MKNK1: variants seen among roughly 807,000 people sequenced by gnomAD.
The protein encoded by MKNK1 is MAPK interacting serine/threonine kinase 1.
MKNK1 carries 30 observed loss-of-function variants against 49.3 expected under a neutral mutation model. The observed-to-expected ratio is 0.61, with a 90% CI of 0.46 to 0.83. The LOEUF is 0.83. Ranked by LOEUF, MKNK1 falls within the 40% of genes least tolerant of loss-of-function variation. The probability of loss-of-function intolerance (pLI) is 0.00; values close to 1 mark genes in which losing one functional copy is unlikely to be tolerated. For missense variants in MKNK1, 423 were observed against 524.7 expected (o/e 0.81, Z 1.89); for synonymous variants, 176 against 201.7 (o/e 0.87, Z 1.08).
At chr1:46,577,450 C>T (rs1415189886) in intron 4 of MKNK1, among the ~76,000 whole-genome samples, 1 of 151,956 alleles carries the variant, frequency 6.6e-6, no homozygotes, top group Non-Finnish European at 1.5e-5. Context: ...CATTGCACTC[C>T]AGCCTAAGTA....
intron 4 of MKNK1, among the ~76,000 whole-genome samples, chr1:46,577,069 C>T (rs1430604073): frequency 1.3e-5 from 2 of 152,200 alleles, no homozygotes; most frequent in South Asian, 2.1e-4. Flanking sequence ...TGCAGGACAC[C>T]GTGGCGAGGA....
intron 2 of MKNK1, among the ~76,000 whole-genome samples, chr1:46,590,296 C>G (rs746577751): frequency 5.9e-5 from 9 of 152,036 alleles, no homozygotes; most frequent in Non-Finnish European, 1.0e-4. Context: ...GGAGACTGAC[C>G]CCAGAACATT....
At chr1:46,562,865 G>A (rs1454081628) in intron 9 of MKNK1, 22 bp from the exon 10 acceptor site, 1 of 1,587,320 alleles carries the variant, frequency 6.3e-7, no homozygotes. Flanking sequence ...AGGGTTGGGG[G>A]AGGGGGAGAT....
chr1:46,594,205 G>T lies in MKNK1; in HGVS notation c.-95C>A. The T allele has an allele frequency of 7.2e-7, 1 of 1,394,514 alleles. No homozygotes were observed. Among genetic ancestry groups the T allele is most frequent in the Non-Finnish European group, 1.0e-6 (1 of 980,800 alleles). 86.4% of individuals were successfully genotyped at this position (1,394,514 alleles called of 1,614,324 possible). A position where few individuals can be genotyped will look rare whatever the true frequency, so the allele number is the denominator to read the frequency against. On this transcript the variant is annotated 5_prime_UTR_variant, in exon 2 of 13. In the 5' UTR this introduces an upstream ATG that the reference lacks. Transcript: ENST00000371945. ...CCTGTCAGGAAGTTGGTGTCTTCCAGCTACACGAAGTGTCTCAATGGCCTT... is the reference window on the plus strand; with the variant it reads ...CCTGTCAGGAAGTTGGTGTCTTCCATCTACACGAAGTGTCTCAATGGCCTT...
intron 7 of MKNK1, chr1:46,568,781 C>T: frequency 2.2e-6 from 1 of 456,540 alleles, no homozygotes; most frequent in Non-Finnish European, 4.0e-6. Context: ...ACAGTGACCA[C>T]CAAGAAGAAG....
At chr1:46,572,721 C>G (rs1400451806) in intron 6 of MKNK1, among the ~76,000 whole-genome samples, 1 of 152,092 alleles carries the variant, frequency 6.6e-6, no homozygotes, top group Non-Finnish European at 1.5e-5. Context: ...CGAGAGAGAA[C>G]AACTATAAAT....
At chr1:46,566,118 C>T (rs536689715) in intron 8 of MKNK1, among the ~76,000 whole-genome samples, 58 of 152,332 alleles carry the variant, frequency 3.8e-4, no homozygotes, top group Non-Finnish European at 3.5e-4. Flanking sequence ...AAACTCTATA[C>T]GCATTAAGCA....
chr1:46,574,615 A>T (rs1670681858), intron 6 of MKNK1: 1 of 230,522 alleles, frequency 4.3e-6, no homozygotes, highest in Non-Finnish European at 8.5e-6. Flanking sequence ...TTCGCAATGT[A>T]TTTGAGAGCT....
intron 5 of MKNK1, 44 bp downstream of exon 5, chr1:46,576,531 C>G: frequency 6.5e-7 from 1 of 1,528,794 alleles, no homozygotes; most frequent in Non-Finnish European, 9.1e-7. Flanking sequence ...CTTCTGTGGC[C>G]AAGCGTCCCC....
chr1:46,576,799 C>T (rs1467220629), intron 4 of MKNK1, 145 bp from the exon 5 acceptor site: 4 of 702,212 alleles, frequency 5.7e-6, no homozygotes, highest in South Asian at 3.3e-5. Flanking sequence ...GTGACACCGG[C>T]ACTGTGGCTC....
At chr1:46,599,136 T>C (rs1401703846) in intron 1 of MKNK1, among the ~76,000 whole-genome samples, 1 of 152,190 alleles carries the variant, frequency 6.6e-6, no homozygotes. Context: ...CCAACGACTC[T>C]GTGAACCATA....
chr1:46,565,228 G>T, intron 8 of MKNK1, 92 bp from the exon 9 acceptor site: 1 of 1,138,514 alleles, frequency 8.8e-7, no homozygotes, highest in African/African-American at 1.5e-5. Context: ...TGGCTCCGTG[G>T]CTGTCACACC....
intron 8 of MKNK1, among the ~76,000 whole-genome samples, chr1:46,566,309 T>C (rs1669055517): frequency 6.6e-6 from 1 of 152,278 alleles, no homozygotes; most frequent in Admixed American, 6.5e-5. Context: ...GGTTCATTCA[T>C]GTTGCAGCAT....
Position 46,580,561 on chromosome 1 carries a change from C to G in MKNK1, c.167G>C (p.Ser56Thr). 1 of 1,614,044 alleles carries G rather than the reference C, an allele frequency of 6.2e-7. No individual in the cohort carries two copies. Among genetic ancestry groups the G allele is most frequent in the Non-Finnish European group, 8.5e-7 (1 of 1,179,900 alleles). ...GGCATACTCTTTGCCATTCTGTAGG[C>G]TCACGGCACCTTGAACTTTGGCATA... ...GAYAKVQGAV[S>T]LQNGKEYAVK... Residue 56 changes from serine to threonine, a missense_variant, in exon 4 of 13, where the codon AGC (serine) becomes ACC (threonine). Ser to Thr is a moderately conservative substitution (Grantham distance 58). Transcript: ENST00000371945.
At chr1:46,588,699 C>T (rs1169501549) in intron 2 of MKNK1, among the ~76,000 whole-genome samples, 1 of 150,982 alleles carries the variant, frequency 6.6e-6, no homozygotes, top group African/African-American at 2.4e-5. Context: ...CCCAGCTATT[C>T]GGGAGGCTGA....
chr1:46,564,938 A>G, intron 9 of MKNK1, 103 bp downstream of exon 9: 1 of 1,089,090 alleles, frequency 9.2e-7, no homozygotes, highest in South Asian at 1.4e-5. Flanking sequence ...GCAGGAAGAT[A>G]GGTCCACTTG....
At chr1:46,570,991 C>T (rs1282628233) in intron 7 of MKNK1, among the ~76,000 whole-genome samples, 1 of 152,152 alleles carries the variant, frequency 6.6e-6, no homozygotes, top group Non-Finnish European at 1.5e-5. Context: ...ACTGAGAGAA[C>T]ACATAGCTAG....
intron 6 of MKNK1, among the ~76,000 whole-genome samples, chr1:46,573,303 T>A (rs1335798081): frequency 1.3e-5 from 2 of 152,194 alleles, no homozygotes; most frequent in Non-Finnish European, 2.9e-5. Flanking sequence ...GGGTCTGGCC[T>A]CAATAAGCTA....
intron 8 of MKNK1, among the ~76,000 whole-genome samples, chr1:46,567,465 G>A (rs889265729): frequency 3.9e-5 from 6 of 152,140 alleles, no homozygotes; most frequent in African/African-American, 1.4e-4. Context: ...CACAATGTAA[G>A]CACTCAAGAA....
Sources: allele counts gnomAD v4.1 joint callset (sites outside exome capture counted in the v4.1 genomes callset), GRCh38; gene constraint gnomAD v4.1.1; transcripts MANE v1.5; gene names NCBI Gene and HGNC (gene_info 2026-07-23, HGNC 2026-07-21).